The following ZBED1 variants were observed in gnomAD, a reference collection of about 807,000 sequenced individuals.
The protein encoded by ZBED1 is zinc finger BED-type containing 1, also known as E3 SUMO-protein ligase ZBED1.
A neutral mutation model predicts 49.7 loss-of-function variants in ZBED1; 19 were observed. The observed-to-expected ratio is 0.38, with a 90% CI of 0.27 to 0.56. The LOEUF (loss-of-function observed/expected upper bound fraction) is 0.56. Ranked by LOEUF, ZBED1 falls within the 20% of genes least tolerant of loss-of-function variation. ZBED1 has a pLI of 0.70. For synonymous variants in ZBED1, 439 were observed against 440.3 expected, an observed-to-expected ratio of 1.00 and a Z score of 0.04; for missense variants, 806 against 972.6, an observed-to-expected ratio of 0.83 and a Z score of 2.28.
chrX:2,500,778 G>A, intron 1 of ZBED1, 39 bp downstream of exon 1: 2 of 450,888 alleles, frequency 4.4e-6, no homozygotes, highest in Non-Finnish European at 5.4e-6. Context: ...GCGCCCACCC[G>A]GGTCCCCGGA....
In ZBED1 at chrX:2,489,886, C is replaced by G. The variant is rs145542250; in HGVS notation, c.834G>C (p.Ala278=). The part of the protein sequence containing the change: ...TTNYGKDIVK[A]CSLLDVAVHM... ...GCACTGCGACGTCCAGCAGGGAGCACGCCTTCACGATGTCCTTGCCATAGT... is the reference window on the plus strand; with the variant it reads ...GCACTGCGACGTCCAGCAGGGAGCAGGCCTTCACGATGTCCTTGCCATAGT... The change falls in exon 2 of 2, where the codon GCG becomes GCC. Residue 278 remains alanine (A), a synonymous_variant. Coordinates refer to ENST00000652001, the MANE Select transcript of ZBED1 (RefSeq NM_001171136.2). 5 of 1,613,834 alleles carry G rather than the reference C, an allele frequency of 3.1e-6. No individual in the cohort carries two copies. In the South Asian group the frequency reaches 4.4e-5, roughly 14 times the overall value.
chrX:2,500,352 C>T (rs2045386119), intron 1 of ZBED1: 2 of 179,774 alleles, frequency 1.1e-5, no homozygotes, highest in East Asian at 1.4e-4. Flanking sequence ...ACGCCCGCTC[C>T]TCCCCTCCGG....
chrX:2,498,581 C>T (rs2045337689), intron 1 of ZBED1, among the ~76,000 whole-genome samples: 1 of 149,286 alleles, frequency 6.7e-6, no homozygotes, highest in Admixed American at 6.7e-5. Flanking sequence ...ACCAGAAGCT[C>T]GTCCTCTTTA....
At chrX:2,497,505 TA>T (rs997566346) in intron 1 of ZBED1, among the ~76,000 whole-genome samples, 20 of 150,168 alleles carry the variant, frequency 1.3e-4, no homozygotes, top group African/African-American at 2.4e-4. Flanking sequence ...CTTTACAGGT[TA>T]AAAAAAAAAT....
chrX:2,486,850 C>G lies in ZBED1; in HGVS notation c.*1785G>C, dbSNP rs1319337803. On this transcript the variant is annotated 3_prime_UTR_variant, in exon 2 of 2. Transcript: ENST00000652001. ...TCCACAGACTTAAACCGGCTCAGGA[C>G]GTAAGGATAACATTCTGTGCTGCTT... 1 of 152,216 alleles carries G rather than the reference C, an allele frequency of 6.6e-6. No individual in the cohort carries two copies. Among genetic ancestry groups the G allele is most frequent in the African/African-American group, 2.4e-5 (1 of 41,442 alleles). The allele number at this position is 152,216 out of a possible 1,614,324, so 9.4% of individuals were successfully genotyped here.
At chrX:2,500,443 A>G in intron 1 of ZBED1, 1 of 163,888 alleles carries the variant, frequency 6.1e-6, no homozygotes, top group Non-Finnish European at 1.4e-5. Flanking sequence ...GGGGCGTGCG[A>G]GCCCCCGGGT....
In ZBED1 at chrX:2,489,183, AGCC is replaced by A; in HGVS notation, c.1534_1536del (p.Gly512del). On this transcript the variant is annotated inframe_deletion, in exon 2 of 2. Transcript: ENST00000652001. ...AAGATCTTGTCCTCAGCCGGCCGGTAGCCGCCGTCTTTGACCTTGTCCAGCAGG... is the reference window on the plus strand; with the variant it reads ...AAGATCTTGTCCTCAGCCGGCCGGTAGCCGTCTTTGACCTTGTCCAGCAGG... The A allele has an allele frequency of 1.2e-6, 2 of 1,613,688 alleles. No homozygotes were observed. The highest frequency in any genetic ancestry group is 1.3e-5 in the African/African-American group (1 of 75,046).
intron 1 of ZBED1, chrX:2,500,415 G>A: frequency 5.9e-6 from 1 of 170,420 alleles, no homozygotes; most frequent in Non-Finnish European, 1.3e-5. Context: ...AGGCAGAGCC[G>A]CCTGATGTCT....
At chrX:2,490,841 A>G in intron 1 of ZBED1, 69 bp from the exon 2 acceptor site, 1 of 1,390,994 alleles carries the variant, frequency 7.2e-7, no homozygotes, top group Non-Finnish European at 9.8e-7. Context: ...TGCCGGGGAG[A>G]CAGACAGGGT....
In ZBED1 at chrX:2,488,474, C is replaced by A. The variant is rs181626638; in HGVS notation, c.*161G>T. 3.2e-5 allele frequency: 32 copies of A among 995,888 alleles called. No homozygotes were observed. Among genetic ancestry groups the A allele is most frequent in the African/African-American group, 4.9e-5 (3 of 60,616 alleles). 61.7% of individuals were successfully genotyped at this position (995,888 alleles called of 1,614,324 possible). On this transcript the variant is annotated 3_prime_UTR_variant, in exon 2 of 2. Coordinates refer to ENST00000652001, the MANE Select transcript of ZBED1 (RefSeq NM_001171136.2). ...ATAGACAGGAGCCACCGCCCCCGAC[C>A]CTCTCTCACTTCTCAAATCTCTTTC...
chrX:2,495,105 G>A (rs916285724), intron 1 of ZBED1, among the ~76,000 whole-genome samples: 1 of 149,822 alleles, frequency 6.7e-6, no homozygotes, highest in African/African-American at 2.5e-5. Flanking sequence ...ATGAAGCAAA[G>A]GTTTATATTC....
At chrX:2,492,360 G>T (rs926875767) in intron 1 of ZBED1, among the ~76,000 whole-genome samples, 1 of 152,064 alleles carries the variant, frequency 6.6e-6, no homozygotes, top group African/African-American at 2.4e-5. Flanking sequence ...GAGTGATGCG[G>T]CCACAAACCC....
chrX:2,490,077 C>A lies in ZBED1; in HGVS notation c.643G>T (p.Ala215Ser), dbSNP rs764808495. The change falls in exon 2 of 2, where the codon GCC becomes TCC. Residue 215 changes from alanine (A) to serine (S), a missense_variant. Physicochemically the swap from Ala to Ser is moderately conservative, Grantham distance 99 (BLOSUM62 1). This residue lies in a region of ZBED1 where 749 missense variants were observed against 861.3 expected (regional missense o/e 0.87). Transcript: ENST00000652001. ...NQNRAYVTLA[A>S]HFLGLGAPNC... Reference sequence around the variant, plus strand: ...GGGGCGCCCAGGCCCAGGAAGTGGGCGGCCAGCGTGACGTAGGCGCGGTTC... The same window carrying A: ...GGGGCGCCCAGGCCCAGGAAGTGGGAGGCCAGCGTGACGTAGGCGCGGTTC... 6.2e-7 allele frequency: 1 copy of A among 1,613,686 alleles called. No individual in the cohort carries two copies. The highest frequency in any genetic ancestry group is 1.1e-5 in the South Asian group (1 of 91,068).
chrX:2,489,188 C>T lies in ZBED1; in HGVS notation c.1532G>A (p.Gly511Asp). ...AKGLLDKVKDGGYRPAEDKIF... is the reference protein window; with the variant it reads ...AKGLLDKVKDDGYRPAEDKIF... ...CTTGTCCTCAGCCGGCCGGTAGCCG[C>T]CGTCTTTGACCTTGTCCAGCAGGCC... The change falls in exon 2 of 2, where the codon GGC (glycine) becomes GAC (aspartate). Residue 511 changes from glycine to aspartate, a missense_variant. Coordinates refer to ENST00000652001, the MANE Select transcript of ZBED1 (RefSeq NM_001171136.2). The T allele has an allele frequency of 3.1e-6, 5 of 1,613,752 alleles. No individual in the cohort carries two copies. The highest frequency in any genetic ancestry group is 1.1e-5 in the South Asian group (1 of 91,072).
rs772814833 is a variant in ZBED1 at position 2,490,215 on chromosome X, A to C, written c.505T>G (p.Ser169Ala). 6.2e-7 allele frequency: 1 copy of C among 1,613,914 alleles called. No homozygotes were observed. Among genetic ancestry groups the C allele is most frequent in the Admixed American group, 1.7e-5 (1 of 60,022 alleles). ...RYELPSRKYI[S>A]TKAIPEKYGA... Reference sequence around the variant, plus strand: ...TACTTCTCAGGGATGGCCTTGGTAGAGATGTACTTCCGGCTGGGCAGCTCA... The same window carrying C: ...TACTTCTCAGGGATGGCCTTGGTAGCGATGTACTTCCGGCTGGGCAGCTCA... Residue 169 changes from serine to alanine, a missense_variant, in exon 2 of 2, where the codon TCT becomes GCT. This residue lies in a region of ZBED1 where 749 missense variants were observed against 861.3 expected (regional missense o/e 0.87). Transcript: ENST00000652001.
rs990169470 is a variant in ZBED1 at position 2,489,466 on chromosome X, G to A, written c.1254C>T (p.Thr418=). The A allele has an allele frequency of 8.7e-6, 14 of 1,613,844 alleles. No homozygotes were observed. Among genetic ancestry groups the A allele is most frequent in the South Asian group, 5.5e-5 (5 of 91,056 alleles). ...GCAGCAGCGGCTTCACCATGCTGAT[G>A]GTGGGGTACCTGGAGGCCGACAGCA... The part of the protein sequence containing the change: ...AEMLSASRYP[T]ISMVKPLLHM... Residue 418 remains threonine (T), a synonymous_variant, in exon 2 of 2, where the codon ACC becomes ACT. Transcript: ENST00000652001.
At position 2,489,433 on chromosome X, in the gene ZBED1, G is replaced by C. The variant is rs752527410; in HGVS notation, c.1287C>G (p.Leu429=). ...ISMVKPLLHM[L]LNTTLNIKET... is the part of the protein sequence containing the mutation. Reference sequence around the variant, plus strand: ...CCTTGATGTTGAGCGTGGTGTTCAGGAGCATGTGCAGCAGCGGCTTCACCA... The same window carrying C: ...CCTTGATGTTGAGCGTGGTGTTCAGCAGCATGTGCAGCAGCGGCTTCACCA... Residue 429 remains leucine, a synonymous_variant, in exon 2 of 2, where the codon CTC becomes CTG. Transcript: ENST00000652001. The C allele has an allele frequency of 1.2e-6, 2 of 1,613,922 alleles. No individual in the cohort carries two copies. The highest frequency in any genetic ancestry group is 1.7e-6 in the Non-Finnish European group (2 of 1,179,874).
intron 1 of ZBED1, among the ~76,000 whole-genome samples, chrX:2,493,124 T>G (rs2045198591): frequency 6.6e-6 from 1 of 152,104 alleles, no homozygotes; most frequent in Admixed American, 6.5e-5. Flanking sequence ...AGCACCCTGG[T>G]TTGTTCTAAG....
chrX:2,500,774 A>C, intron 1 of ZBED1, 43 bp downstream of exon 1: 160 of 511,946 alleles, frequency 3.1e-4, no homozygotes, highest in Middle Eastern at 9.0e-4. Context: ...GCCCGCGCCC[A>C]CCCGGGTCCC....
Sources: allele counts gnomAD v4.1 joint callset (sites outside exome capture counted in the v4.1 genomes callset), GRCh38; gene constraint gnomAD v4.1.1; regional missense constraint gnomAD v4.1.1; transcripts MANE v1.5; gene names NCBI Gene and HGNC (gene_info 2026-07-23, HGNC 2026-07-21).